TPD52L1: variants seen among roughly 807,000 people sequenced by gnomAD.
TPD52L1 encodes the protein TPD52 like 1, also known as tumor protein D53.
TPD52L1 carries 18 observed loss-of-function variants against 28.7 expected under a neutral mutation model. The ratio of observed to expected loss-of-function variants is 0.63; its 90% CI spans 0.43 to 0.93. The LOEUF is 0.93. Among genes scored for constraint, TPD52L1 ranks in the 40% least tolerant of loss-of-function variants. The pLI, the probability that TPD52L1 is intolerant of heterozygous loss-of-function variation, is 0.00. For missense variants in TPD52L1, 203 were observed against 254.8 expected, an observed-to-expected ratio of 0.80 and a Z score of 1.39; for synonymous variants, 75 against 88.8, an observed-to-expected ratio of 0.84 and a Z score of 0.88.
intron 1 of TPD52L1, 178 bp from the exon 2 acceptor site, chr6:125,219,900 T>TTCTTTGCTTTCTTGGAGC: frequency 1.5e-6 from 1 of 655,124 alleles, no homozygotes; most frequent in South Asian, 1.6e-5. Context: ...CTTCTTGGTA[T>TTCTTTGCTTTCTTGGAGC]TCTTTGCTTT....
chr6:125,175,017 A>ATGTG (rs544928489), intron 1 of TPD52L1, among the ~76,000 whole-genome samples: 2 of 151,742 alleles, frequency 1.3e-5, no homozygotes, highest in Non-Finnish European at 2.9e-5. Context: ...TTACATATAT[A>ATGTG]TGTGTGTGTG....
intron 1 of TPD52L1, among the ~76,000 whole-genome samples, chr6:125,158,023 C>G (rs72971389): frequency 0.21 from 32,192 of 152,002 alleles, 4,203 homozygotes; most frequent in Admixed American, 0.36. Context: ...ACTCCAATCT[C>G]TCTGTCTCCG....
At chr6:125,222,704 G>A (rs1795325704) in intron 2 of TPD52L1, among the ~76,000 whole-genome samples, 1 of 152,190 alleles carries the variant, frequency 6.6e-6, no homozygotes, top group Non-Finnish European at 1.5e-5. Flanking sequence ...CTAGGCAGCT[G>A]TAACCTGTTT....
intron 1 of TPD52L1, among the ~76,000 whole-genome samples, chr6:125,172,112 CTT>C (rs1301969436): frequency 1.9e-5 from 1 of 52,940 alleles, no homozygotes; most frequent in Non-Finnish European, 3.6e-5. Flanking sequence ...TTCTTTCTTT[CTT>C]TCTTTCTTTC....
intron 3 of TPD52L1, among the ~76,000 whole-genome samples, chr6:125,240,326 G>A (rs2115016063): frequency 6.6e-6 from 1 of 152,146 alleles, no homozygotes; most frequent in South Asian, 2.1e-4. Flanking sequence ...GGGGTTCCAT[G>A]TGAATTTTAG....
intron 1 of TPD52L1, among the ~76,000 whole-genome samples, chr6:125,205,167 T>C (rs189275999): frequency 7.2e-4 from 110 of 152,296 alleles, no homozygotes; most frequent in African/African-American, 2.6e-3. Context: ...AAGAGGCTAA[T>C]CACCATTGTG....
intron 1 of TPD52L1, among the ~76,000 whole-genome samples, chr6:125,192,336 A>C (rs142219428): frequency 7.6e-6 from 1 of 132,240 alleles, no homozygotes; most frequent in African/African-American, 2.6e-5. Flanking sequence ...TTTTTTTTTT[A>C]TCTGGTGTTG....
intron 1 of TPD52L1, among the ~76,000 whole-genome samples, chr6:125,164,366 C>T (rs570115241): frequency 6.6e-6 from 1 of 152,180 alleles, no homozygotes; most frequent in African/African-American, 2.4e-5. Context: ...TATTTTTGTT[C>T]TGTTTTCAAG....
chr6:125,219,667 A>T (rs1348012821), intron 1 of TPD52L1, among the ~76,000 whole-genome samples: 1 of 152,034 alleles, frequency 6.6e-6, no homozygotes, highest in Non-Finnish European at 1.5e-5. Context: ...AGTTCACCTG[A>T]CTCTCAGGGT....
intron 1 of TPD52L1, among the ~76,000 whole-genome samples, chr6:125,157,349 G>T (rs903667103): frequency 2.6e-5 from 4 of 152,200 alleles, no homozygotes; most frequent in African/African-American, 9.6e-5. Context: ...TCCCATAAGT[G>T]AAATTATGCA....
chr6:125,153,842 G>C lies in TPD52L1; in HGVS notation c.-110G>C. ...GCAGCGCTCGCGACACGCGTGCCAG[G>C]AGTGGGAGCGAGCGGCGGGGCCAGC... On this transcript the variant is annotated 5_prime_UTR_variant, in exon 1 of 7. Transcript: ENST00000534000. 1 of 1,302,998 alleles carries C rather than the reference G, an allele frequency of 7.7e-7. No individual in the cohort carries two copies. Among genetic ancestry groups the C allele is most frequent in the Non-Finnish European group, 1.0e-6 (1 of 964,480 alleles). The allele number at this position is 1,302,998 out of a possible 1,614,324, so 80.7% of individuals were successfully genotyped here.
intron 1 of TPD52L1, among the ~76,000 whole-genome samples, chr6:125,158,912 GCTAT>G (rs1790326164): frequency 1.3e-5 from 2 of 152,168 alleles, no homozygotes; most frequent in African/African-American, 4.8e-5. Context: ...GCAATAGCAT[GCTAT>G]CTAAGAAAAG....
chr6:125,249,290 C>G (rs955982789), intron 4 of TPD52L1, among the ~76,000 whole-genome samples: 11 of 151,532 alleles, frequency 7.3e-5, no homozygotes, highest in Non-Finnish European at 1.3e-4. Flanking sequence ...TCTTTAAAAA[C>G]TTTTCGAGCA....
At chr6:125,158,571 TG>T (rs1790297505) in intron 1 of TPD52L1, among the ~76,000 whole-genome samples, 1 of 151,642 alleles carries the variant, frequency 6.6e-6, no homozygotes, top group African/African-American at 2.4e-5. Context: ...AGAAAATAAA[TG>T]AGGATAAGAA....
In TPD52L1 at chr6:125,222,783, A is replaced by T. The variant is rs563303160; in HGVS notation, c.135+2590A>T. ...AAAATGCTATAAAAGACTAAAGGGC[A>T]CCAGAGAAGACCTCTTTTATTATAG... is the stretch of plus-strand genomic sequence containing the variant. On this transcript the variant is annotated intron_variant, in intron 2 of 6. Transcript: ENST00000534000. Among the ~76,000 whole-genome samples, 148 of 152,342 alleles carry T rather than the reference A, an allele frequency of 9.7e-4. 1 individual carries two copies. The highest frequency in any genetic ancestry group is 3.4e-3 in the Middle Eastern group (1 of 294).
intron 1 of TPD52L1, among the ~76,000 whole-genome samples, chr6:125,168,564 C>G (rs966115751): frequency 6.6e-6 from 1 of 150,628 alleles, no homozygotes; most frequent in African/African-American, 2.5e-5. Context: ...GTTGCCCAGG[C>G]TGGAGTGCAG....
chr6:125,160,728 A>T (rs958141037), intron 1 of TPD52L1, among the ~76,000 whole-genome samples: 1 of 152,210 alleles, frequency 6.6e-6, no homozygotes, highest in African/African-American at 2.4e-5. Context: ...ATCTATATGA[A>T]AATGTGTTGT....
Position 125,262,698 on chromosome 6 carries a change from T to A in TPD52L1, c.487-136T>A. On this transcript the variant is annotated intron_variant, in intron 6 of 6. Transcript: ENST00000534000. The stretch of plus-strand genomic sequence containing the variant: ...AGCACTCTACTAAAGGAAACAAACT[T>A]CTGTGCATTCTTTTGTCTCTAAAGA... 3.3e-6 allele frequency: 4 copies of A among 1,205,552 alleles called. No individual in the cohort carries two copies. The South Asian group carries it at 6.4e-5, about 19-fold the overall frequency. The allele number at this position is 1,205,552 out of a possible 1,614,324, so 74.7% of individuals were successfully genotyped here.
At chr6:125,212,644 G>A (rs1223600438) in intron 1 of TPD52L1, among the ~76,000 whole-genome samples, 1 of 152,242 alleles carries the variant, frequency 6.6e-6, no homozygotes, top group Non-Finnish European at 1.5e-5. Context: ...GCTTAAGACA[G>A]GGAAGGGCAT....
Sources: allele counts gnomAD v4.1 joint callset (sites outside exome capture counted in the v4.1 genomes callset), GRCh38; gene constraint gnomAD v4.1.1; transcripts MANE v1.5; gene names NCBI Gene and HGNC (gene_info 2026-07-23, HGNC 2026-07-21).